Variants in GNAQ observed in about 807,000 individuals in gnomAD.
GNAQ encodes the protein guanine nucleotide-binding protein G(q) subunit alpha.
Under a neutral mutation model 43.9 loss-of-function variants are expected in GNAQ, and 8 were observed. The observed-to-expected ratio is 0.18, with a 90% CI of 0.11 to 0.33. GNAQ has a LOEUF of 0.33. GNAQ is among the 10% of genes least tolerant of loss of function. The pLI, the probability that GNAQ is intolerant of heterozygous loss-of-function variation, is 1.00. For missense variants in GNAQ, 158 were observed against 450.8 expected (o/e 0.35, Z 5.88); for synonymous variants, 155 against 170.7 (o/e 0.91, Z 0.71).
chr9:77,877,967 G>T (rs1828151153), intron 2 of GNAQ, among the ~76,000 whole-genome samples: 2 of 152,062 alleles, frequency 1.3e-5, no homozygotes, highest in Non-Finnish European at 2.9e-5. Flanking sequence ...AACACCATTT[G>T]CTTCCCCTTT....
intron 2 of GNAQ, among the ~76,000 whole-genome samples, chr9:77,901,844 T>G (rs1208778538): frequency 6.6e-6 from 1 of 152,190 alleles, no homozygotes; most frequent in Non-Finnish European, 1.5e-5. Flanking sequence ...ACAGGCACAC[T>G]CAGTGTCTGC....
At chr9:77,755,843 G>C (rs1825894505) in intron 5 of GNAQ, among the ~76,000 whole-genome samples, 1 of 152,176 alleles carries the variant, frequency 6.6e-6, no homozygotes, top group African/African-American at 2.4e-5. Flanking sequence ...GGGTGGATTT[G>C]TGACGGTTAA....
chr9:77,751,011 G>C (rs1825802833), intron 5 of GNAQ, among the ~76,000 whole-genome samples: 1 of 152,214 alleles, frequency 6.6e-6, no homozygotes, highest in Non-Finnish European at 1.5e-5. Flanking sequence ...ACCCAGCACT[G>C]CTTGGCCTTT....
intron 1 of GNAQ, among the ~76,000 whole-genome samples, chr9:78,027,549 G>A (rs1197644408): frequency 6.6e-6 from 1 of 151,844 alleles, no homozygotes; most frequent in African/African-American, 2.4e-5. Context: ...CTGGCCTGTC[G>A]CGACCAGCCT....
At chr9:77,925,258 A>T (rs1829054534) in intron 1 of GNAQ, among the ~76,000 whole-genome samples, 1 of 152,180 alleles carries the variant, frequency 6.6e-6, no homozygotes, top group African/African-American at 2.4e-5. Context: ...AGGACAAGGA[A>T]TACAAGGGAA....
At chr9:77,932,876 A>C (rs1322729759) in intron 1 of GNAQ, among the ~76,000 whole-genome samples, 2 of 152,144 alleles carry the variant, frequency 1.3e-5, no homozygotes, top group Admixed American at 6.5e-5. Context: ...TCAAAACAAA[A>C]AAAAATCCTA....
intron 5 of GNAQ, among the ~76,000 whole-genome samples, chr9:77,754,083 G>C (rs1268646584): frequency 6.6e-6 from 1 of 152,190 alleles, no homozygotes; most frequent in Non-Finnish European, 1.5e-5. Context: ...GAGCACTCAA[G>C]GCCTCTCTGA....
intron 2 of GNAQ, among the ~76,000 whole-genome samples, chr9:77,872,930 C>G (rs1828064604): frequency 6.6e-6 from 1 of 152,170 alleles, no homozygotes. Context: ...AAGGTGGAGT[C>G]TGACAGAAGG....
chr9:77,935,803 C>T (rs569739582), intron 1 of GNAQ, among the ~76,000 whole-genome samples: 12 of 152,282 alleles, frequency 7.9e-5, no homozygotes, highest in South Asian at 2.1e-4. Context: ...CAGGAACAGA[C>T]GTGCAACAAA....
chr9:77,775,392 C>A (rs1301915002), intron 5 of GNAQ, among the ~76,000 whole-genome samples: 1 of 149,692 alleles, frequency 6.7e-6, no homozygotes, highest in Non-Finnish European at 1.5e-5. Context: ...TAAGAATGTT[C>A]ACTTCTCCTC....
At chr9:77,736,203 T>C (rs1369466081) in intron 5 of GNAQ, among the ~76,000 whole-genome samples, 1 of 152,232 alleles carries the variant, frequency 6.6e-6, no homozygotes, top group African/African-American at 2.4e-5. Flanking sequence ...AGAATGTTTC[T>C]TCCTAAGATT....
At chr9:77,984,176 CTT>C (rs563210374) in intron 1 of GNAQ, among the ~76,000 whole-genome samples, 12 of 136,858 alleles carry the variant, frequency 8.8e-5, no homozygotes, top group Admixed American at 1.5e-4. Flanking sequence ...TTTTGCTTTT[CTT>C]TTTTTTTTTT....
At chr9:77,823,169 G>A (rs1265568329) in intron 2 of GNAQ, among the ~76,000 whole-genome samples, 1 of 152,092 alleles carries the variant, frequency 6.6e-6, no homozygotes, top group Non-Finnish European at 1.5e-5. Context: ...TCAATCTCCT[G>A]ACCTCATGAT....
chr9:77,934,040 A>T (rs1238652899), intron 1 of GNAQ, among the ~76,000 whole-genome samples: 1 of 152,196 alleles, frequency 6.6e-6, no homozygotes, highest in Non-Finnish European at 1.5e-5. Context: ...AACAGAGGAA[A>T]AGGCCTAAGA....
chr9:77,791,287 G>C (rs1303573618), intron 5 of GNAQ, among the ~76,000 whole-genome samples: 2 of 152,064 alleles, frequency 1.3e-5, no homozygotes, highest in Non-Finnish European at 2.9e-5. Flanking sequence ...CAGAAAATCA[G>C]AAAAATAAAG....
At chr9:77,869,579 C>G (rs1428496012) in intron 2 of GNAQ, among the ~76,000 whole-genome samples, 2 of 152,134 alleles carry the variant, frequency 1.3e-5, no homozygotes, top group Non-Finnish European at 2.9e-5. Context: ...TTCCTAAATA[C>G]TACTCTAATA....
intron 1 of GNAQ, among the ~76,000 whole-genome samples, chr9:77,942,036 T>C (rs1329404413): frequency 6.6e-6 from 1 of 152,152 alleles, no homozygotes; most frequent in Admixed American, 6.5e-5. Context: ...GAGTAACTTC[T>C]CTTTTTCCTA....
At chr9:77,931,359 G>A (rs1189174113) in intron 1 of GNAQ, among the ~76,000 whole-genome samples, 1 of 151,922 alleles carries the variant, frequency 6.6e-6, no homozygotes, top group African/African-American at 2.4e-5. Context: ...TTGGGAGGCC[G>A]AGGCGGGCAG....
intron 2 of GNAQ, among the ~76,000 whole-genome samples, chr9:77,881,903 C>T (rs1357338475): frequency 6.6e-6 from 1 of 152,076 alleles, no homozygotes; most frequent in Admixed American, 6.5e-5. Context: ...TTTGGGAGGC[C>T]GTGGCAGGCG....
Sources: allele counts gnomAD v4.1 joint callset (sites outside exome capture counted in the v4.1 genomes callset), GRCh38; gene constraint gnomAD v4.1.1; transcripts MANE v1.5; gene names NCBI Gene and HGNC (gene_info 2026-07-23, HGNC 2026-07-21).